Variants in ZNF83 observed in about 807,000 individuals in gnomAD.
The protein encoded by ZNF83 is zinc finger protein 816B.
For missense variants in ZNF83, 552 were observed against 629.9 expected (o/e 0.88, Z 1.32); for synonymous variants, 209 against 213.0 (o/e 0.98, Z 0.17).
intron 1 of ZNF83, among the ~76,000 whole-genome samples, chr19:52,676,239 TC>T (rs2061802400): frequency 6.6e-6 from 1 of 152,178 alleles, no homozygotes; most frequent in Non-Finnish European, 1.5e-5. Context: ...AGCCTCGGCC[TC>T]CCGAGGTGCC....
exon 3 of ZNF83, chr19:52,614,373 T>C (rs1402481893): frequency 6.2e-7 from 1 of 1,612,954 alleles, no homozygotes; most frequent in African/African-American, 1.3e-5. Flanking sequence ...AAATGTGGGT[T>C]TTGACAGTAG....
chr19:52,664,436 C>T (rs1464098203), intron 1 of ZNF83, among the ~76,000 whole-genome samples: 1 of 151,962 alleles, frequency 6.6e-6, no homozygotes, highest in East Asian at 1.9e-4. Context: ...GTTTATGCTG[C>T]GGTGAGCTCT....
intron 2 of ZNF83, among the ~76,000 whole-genome samples, chr19:52,655,991 A>G (rs930077629): frequency 1.7e-4 from 26 of 152,018 alleles, no homozygotes; most frequent in Admixed American, 7.2e-4. Context: ...TGGGTGTATC[A>G]ACTGAGCTCA....
At chr19:52,671,950 T>C (rs1470772595) in intron 1 of ZNF83, among the ~76,000 whole-genome samples, 2 of 152,124 alleles carry the variant, frequency 1.3e-5, no homozygotes, top group African/African-American at 4.8e-5. Flanking sequence ...GTTATAAAAT[T>C]GGCTGGGCAC....
intron 2 of ZNF83, chr19:52,618,783 G>T (rs560202350): frequency 3.9e-6 from 5 of 1,287,026 alleles, no homozygotes; most frequent in Non-Finnish European, 5.3e-6. Context: ...AGGGGACAGT[G>T]AAAGTCCAGA....
In ZNF83 at chr19:52,655,472, C is replaced by A. The variant is rs571769586; in HGVS notation, c.-74+89G>T. The stretch of plus-strand genomic sequence containing the variant: ...GACATGTACATCAAAAGCATGTATG[C>A]GGCAAAATCACAAAAGAGAATACAA... On this transcript the variant is annotated intron_variant, in intron 3 of 5. Coordinates refer to the ZNF83 transcript ENST00000594682. The A allele has an allele frequency of 9.0e-6, 11 of 1,228,272 alleles. No homozygotes were observed. In the East Asian group the frequency reaches 1.6e-4, roughly 18 times the overall value. The allele number at this position is 1,228,272 out of a possible 1,614,324, so 76.1% of individuals were successfully genotyped here. A position where few individuals can be genotyped will look rare whatever the true frequency, so the allele number is the denominator to read the frequency against.
chr19:52,629,059 T>C (rs1392171393), intron 2 of ZNF83, among the ~76,000 whole-genome samples: 3 of 151,834 alleles, frequency 2.0e-5, no homozygotes, highest in Non-Finnish European at 4.4e-5. Flanking sequence ...TTCCTCCTTC[T>C]CCCTTTCCTG....
intron 3 of ZNF83, among the ~76,000 whole-genome samples, chr19:52,643,410 C>T (rs573579177): frequency 1.3e-5 from 2 of 150,838 alleles, no homozygotes; most frequent in East Asian, 3.9e-4. Flanking sequence ...AGATAAAAAT[C>T]CTGAGCAACT....
intron 3 of ZNF83, chr19:52,652,673 G>T: frequency 1.7e-6 from 1 of 575,468 alleles, no homozygotes; most frequent in South Asian, 1.5e-5. Context: ...ATTCTCTAAT[G>T]ATTTGCAATG....
Position 52,627,460 on chromosome 19 carries a change from A to C in ZNF83, c.-234+7606T>G, listed in dbSNP as rs1302170193. Among the ~76,000 whole-genome samples the C allele has an allele frequency of 2.6e-5, 4 of 152,164 alleles. No homozygotes were observed. In the South Asian group the frequency reaches 6.2e-4, roughly 24 times the overall value. ...GTGGATCACCTGAGGTCAGGAATTC[A>C]AGACCAGCCTGGCCAATGTGGTGAA... On this transcript the variant is annotated intron_variant, in intron 2 of 2. Coordinates refer to ENST00000301096, the Ensembl canonical transcript of ZNF83.
At chr19:52,624,845 T>G (rs778773886) in intron 2 of ZNF83, among the ~76,000 whole-genome samples, 12 of 152,180 alleles carry the variant, frequency 7.9e-5, no homozygotes, top group Admixed American at 3.9e-4. Flanking sequence ...TTCCCAAATC[T>G]ATTTTCTTCC....
chr19:52,613,065 A>G, exon 3 of ZNF83: 1 of 1,611,954 alleles, frequency 6.2e-7, no homozygotes, highest in Non-Finnish European at 8.5e-7. Flanking sequence ...GATGACGTAC[A>G]AGATATGAAT....
intron 3 of ZNF83, among the ~76,000 whole-genome samples, chr19:52,647,190 A>C (rs2061383126): frequency 6.6e-6 from 1 of 152,202 alleles, no homozygotes; most frequent in African/African-American, 2.4e-5. Flanking sequence ...CTCTCAAGTG[A>C]ATAAATCACT....
intron 1 of ZNF83, among the ~76,000 whole-genome samples, chr19:52,685,240 T>C (rs2061994637): frequency 6.6e-6 from 1 of 152,098 alleles, no homozygotes; most frequent in Non-Finnish European, 1.5e-5. Flanking sequence ...ATCTCCAAGT[T>C]GCAGGGACGC....
At chr19:52,687,073 C>G (rs1355363220) in intron 1 of ZNF83, among the ~76,000 whole-genome samples, 1 of 150,892 alleles carries the variant, frequency 6.6e-6, no homozygotes, top group East Asian at 2.0e-4. Flanking sequence ...CCCAACTACT[C>G]AGGAGGCTAA....
chr19:52,645,384 T>C (rs1235142397), intron 3 of ZNF83, among the ~76,000 whole-genome samples: 3 of 152,102 alleles, frequency 2.0e-5, no homozygotes, highest in Non-Finnish European at 4.4e-5. Flanking sequence ...ATATAACAAA[T>C]TCTGGGGTCA....
chr19:52,619,794 G>A lies in ZNF83; in HGVS notation c.-233-4997C>T, dbSNP rs191734246. 2.7e-3 allele frequency among the ~76,000 whole-genome samples: 411 copies of A among 152,282 alleles called. 2 individuals carry two copies. The highest frequency in any genetic ancestry group is 9.1e-3 in the African/African-American group (377 of 41,546). ...CCCAGCTACATGGGAGGCTGAGGCCGGAGACTTGCTTGATCCTGGGAGGCA... is the reference window on the plus strand; with the variant it reads ...CCCAGCTACATGGGAGGCTGAGGCCAGAGACTTGCTTGATCCTGGGAGGCA... On this transcript the variant is annotated intron_variant, in intron 2 of 2. Coordinates refer to ENST00000301096, the Ensembl canonical transcript of ZNF83.
rs565773831 is a variant in ZNF83, at chr19:52,658,638, C to T, written c.-201+2124G>A. ...AATAGTCACAAACCTTTTGGAAGGC[C>T]GAAAGGTTATATAGCTTGTAATAAT... On this transcript the variant is annotated intron_variant, in intron 2 of 5. Coordinates refer to the ZNF83 transcript ENST00000594682. 5.9e-5 allele frequency among the ~76,000 whole-genome samples: 9 copies of T among 152,204 alleles called. No homozygotes were observed. The South Asian group carries it at 8.3e-4, about 14-fold the overall frequency.
At chr19:52,649,981 G>T (rs185581886) in intron 3 of ZNF83, among the ~76,000 whole-genome samples, 16 of 152,128 alleles carry the variant, frequency 1.1e-4, no homozygotes, top group Admixed American at 3.3e-4. Flanking sequence ...AGACAGGGGG[G>T]CCACAGAACT....
Sources: allele counts gnomAD v4.1 joint callset (sites outside exome capture counted in the v4.1 genomes callset), GRCh38; gene constraint gnomAD v4.1.1; transcripts MANE v1.5; gene names NCBI Gene and HGNC (gene_info 2026-07-23, HGNC 2026-07-21).